BTBD9: variants seen among roughly 807,000 people sequenced by gnomAD.
The protein encoded by BTBD9 is BTB/POZ domain-containing protein 9.
BTBD9 carries 49 observed loss-of-function variants against 64.3 expected under a neutral mutation model. The ratio of observed to expected loss-of-function variants is 0.76; its 90% confidence interval spans 0.61 to 0.97. The LOEUF is 0.97. BTBD9 is among the 50% of genes least tolerant of loss of function. BTBD9 has a pLI of 0.00. For synonymous variants in BTBD9, 260 were observed against 274.7 expected, an observed-to-expected ratio of 0.95 and a Z score of 0.53; for missense variants, 598 against 762.1, an observed-to-expected ratio of 0.78 and a Z score of 2.53.
chr6:38,578,487 T>C (rs1562367016), intron 5 of BTBD9, among the ~76,000 whole-genome samples: 1 of 152,168 alleles, frequency 6.6e-6, no homozygotes, highest in Non-Finnish European at 1.5e-5. Context: ...TGTACTGTAA[T>C]ATCAACAGGA....
At chr6:38,225,593 T>C (rs1198627590) in intron 9 of BTBD9, among the ~76,000 whole-genome samples, 1 of 152,228 alleles carries the variant, frequency 6.6e-6, no homozygotes, top group Non-Finnish European at 1.5e-5. Context: ...TCTCCACTTT[T>C]AAGGAACTTA....
At chr6:38,572,088 C>T (rs1424070117) in intron 6 of BTBD9, among the ~76,000 whole-genome samples, 1 of 151,916 alleles carries the variant, frequency 6.6e-6, no homozygotes, top group African/African-American at 2.4e-5. Flanking sequence ...CTTTTCTAAC[C>T]ATCCTATTTA....
At chr6:38,494,325 A>C (rs971998558) in intron 6 of BTBD9, among the ~76,000 whole-genome samples, 2 of 152,224 alleles carry the variant, frequency 1.3e-5, no homozygotes, top group Admixed American at 1.3e-4. Context: ...CACCAAATTA[A>C]AATTCTTCTA....
chr6:38,460,649 A>T (rs1329937778), intron 6 of BTBD9, among the ~76,000 whole-genome samples: 1 of 152,140 alleles, frequency 6.6e-6, no homozygotes, highest in Admixed American at 6.5e-5. Flanking sequence ...TTTGAGACGT[A>T]GTCTTGCTCT....
chr6:38,280,102 C>A (rs1354841411), intron 8 of BTBD9, among the ~76,000 whole-genome samples: 2 of 152,094 alleles, frequency 1.3e-5, no homozygotes, highest in Non-Finnish European at 2.9e-5. Context: ...ACTTAGTTGC[C>A]ATAGCAATAC....
Position 38,467,069 on chromosome 6 carries a change from T to C in BTBD9, c.1154+110531A>G, listed in dbSNP as rs539891805. On this transcript the variant is annotated intron_variant, in intron 6 of 10. Coordinates refer to ENST00000481247, the MANE Select transcript of BTBD9 (RefSeq NM_001099272.2). Reference sequence around the variant, plus strand: ...AGGGAACATTTACATTAGAATGTGCTAATGAGAGAGCTGATTAAACAAAAA... The same window carrying C: ...AGGGAACATTTACATTAGAATGTGCCAATGAGAGAGCTGATTAAACAAAAA... 3.3e-5 allele frequency among the ~76,000 whole-genome samples: 5 copies of C among 152,322 alleles called. No individual in the cohort carries two copies. In the South Asian group the frequency reaches 1.0e-3, roughly 32 times the overall value.
At chr6:38,598,441 A>G (rs1777131870) in intron 1 of BTBD9, among the ~76,000 whole-genome samples, 1 of 152,180 alleles carries the variant, frequency 6.6e-6, no homozygotes. Context: ...GAAAAGAAAA[A>G]TCAACAATCA....
chr6:38,472,705 C>T (rs1047066365), intron 6 of BTBD9, among the ~76,000 whole-genome samples: 6 of 152,090 alleles, frequency 3.9e-5, no homozygotes, highest in African/African-American at 1.4e-4. Context: ...TACCTTCATT[C>T]GTTTTCTAAA....
chr6:38,413,782 A>T (rs984288061), intron 6 of BTBD9, among the ~76,000 whole-genome samples: 1 of 152,108 alleles, frequency 6.6e-6, no homozygotes, highest in African/African-American at 2.4e-5. Flanking sequence ...ACAATATTCT[A>T]ATTAGAAACC....
chr6:38,549,953 G>C (rs1246829884), intron 6 of BTBD9, among the ~76,000 whole-genome samples: 3 of 152,022 alleles, frequency 2.0e-5, no homozygotes, highest in Non-Finnish European at 4.4e-5. Context: ...TTCCCTGCTT[G>C]GCTTTCAAGA....
chr6:38,441,933 G>A (rs191165247), intron 6 of BTBD9, among the ~76,000 whole-genome samples: 37 of 152,302 alleles, frequency 2.4e-4, no homozygotes, highest in Admixed American at 2.4e-3. Flanking sequence ...GTACAGAGCT[G>A]AGAGATAACC....
chr6:38,189,695 A>G (rs1208264337), intron 10 of BTBD9, among the ~76,000 whole-genome samples: 4 of 148,500 alleles, frequency 2.7e-5, no homozygotes, highest in African/African-American at 1.0e-4. Flanking sequence ...TCTTATTGAG[A>G]TGGAGCCTTG....
At chr6:38,289,689 C>T (rs757514906) in intron 7 of BTBD9, among the ~76,000 whole-genome samples, 8 of 152,140 alleles carry the variant, frequency 5.3e-5, no homozygotes, top group Non-Finnish European at 1.2e-4. Flanking sequence ...AACATATATG[C>T]TCTTCCCATT....
chr6:38,321,372 G>A (rs1220320059), intron 7 of BTBD9, among the ~76,000 whole-genome samples: 1 of 152,190 alleles, frequency 6.6e-6, no homozygotes. Flanking sequence ...GTCTTCAAAT[G>A]TTCATAATTT....
intron 6 of BTBD9, among the ~76,000 whole-genome samples, chr6:38,553,603 G>C (rs1045604137): frequency 2.0e-5 from 3 of 152,150 alleles, no homozygotes; most frequent in African/African-American, 7.2e-5. Context: ...TTTGCCATAA[G>C]AGCCAAAGCC....
rs1459466992 is a variant in BTBD9, at chr6:38,170,042, C to G, written c.*4943G>C. ...GAGGCTGGGCCAGGGAGCACCGTGA[C>G]CAGTGGTGGTCACAGAGGACGTGAA... On this transcript the variant is annotated 3_prime_UTR_variant, in exon 11 of 11. Transcript: ENST00000481247. The G allele has an allele frequency of 6.6e-6, 1 of 152,232 alleles. No homozygotes were observed. Among genetic ancestry groups the G allele is most frequent in the Non-Finnish European group, 1.5e-5 (1 of 68,108 alleles). The allele number at this position is 152,232 out of a possible 1,614,324, so 9.4% of individuals were successfully genotyped here.
At chr6:38,407,230 C>A (rs1299939370) in intron 6 of BTBD9, among the ~76,000 whole-genome samples, 1 of 152,184 alleles carries the variant, frequency 6.6e-6, no homozygotes, top group African/African-American at 2.4e-5. Flanking sequence ...CTGTTGATCA[C>A]ATATAAAATA....
chr6:38,334,715 A>G (rs545067407), intron 7 of BTBD9, among the ~76,000 whole-genome samples: 1 of 152,232 alleles, frequency 6.6e-6, no homozygotes, highest in South Asian at 2.1e-4. Flanking sequence ...TTACCTAGAC[A>G]CACACATCCA....
intron 6 of BTBD9, among the ~76,000 whole-genome samples, chr6:38,540,217 A>T (rs1336232574): frequency 6.6e-6 from 1 of 152,204 alleles, no homozygotes; most frequent in Admixed American, 6.5e-5. Flanking sequence ...AGTATCAAAC[A>T]ACTTTTTGGC....
Sources: gnomAD v4.1 joint callset for allele counts (sites outside exome capture counted in the v4.1 genomes callset) on GRCh38, gnomAD v4.1.1 for gene constraint, MANE v1.5 for transcripts, NCBI Gene and HGNC (gene_info 2026-07-23, HGNC 2026-07-21) for gene names.